RASAL2: variants seen among roughly 807,000 people sequenced by gnomAD.
RASAL2 encodes the protein ras GTPase-activating protein nGAP.
RASAL2 carries 58 observed loss-of-function variants against 128.9 expected under a neutral mutation model. The observed-to-expected ratio is 0.45, with a 90% CI of 0.36 to 0.56. The LOEUF (loss-of-function observed/expected upper bound fraction) is 0.56, where lower values mean the gene tolerates loss of function less well. Among genes scored for constraint, RASAL2 ranks in the 20% least tolerant of loss-of-function variants. RASAL2 has a pLI of 0.00. For synonymous variants in RASAL2, 561 were observed against 580.8 expected, an observed-to-expected ratio of 0.97 and a Z score of 0.49; for missense variants, 1,360 against 1,601.6, an observed-to-expected ratio of 0.85 and a Z score of 2.57.
intron 4 of RASAL2, among the ~76,000 whole-genome samples, chr1:178,405,107 A>C (rs953601110): frequency 3.3e-5 from 5 of 152,206 alleles, no homozygotes; most frequent in African/African-American, 1.2e-4. Context: ...ACATTGTTGA[A>C]GGGAAGGCAA....
chr1:178,312,068 A>G (rs1668281747), intron 3 of RASAL2, among the ~76,000 whole-genome samples: 1 of 152,142 alleles, frequency 6.6e-6, no homozygotes, highest in South Asian at 2.1e-4. Flanking sequence ...GAGAAAAAAA[A>G]GATAAAATAA....
intron 3 of RASAL2, among the ~76,000 whole-genome samples, chr1:178,314,677 A>G (rs1668416971): frequency 6.6e-6 from 1 of 152,170 alleles, no homozygotes; most frequent in Non-Finnish European, 1.5e-5. Flanking sequence ...CTGTGAAGTA[A>G]AGCAAGCTTC....
intron 1 of RASAL2, among the ~76,000 whole-genome samples, chr1:178,272,995 T>G (rs1215639157): frequency 6.6e-6 from 1 of 152,020 alleles, no homozygotes; most frequent in Non-Finnish European, 1.5e-5. Context: ...TTAAATTGAC[T>G]ATCCAGATTA....
chr1:178,114,803 T>A (rs915948064), intron 1 of RASAL2, among the ~76,000 whole-genome samples: 1 of 152,224 alleles, frequency 6.6e-6, no homozygotes, highest in Non-Finnish European at 1.5e-5. Context: ...ATTACAGGCG[T>A]GAGCCACTGC....
chr1:178,141,071 G>A (rs998964152), intron 1 of RASAL2, among the ~76,000 whole-genome samples: 3 of 152,090 alleles, frequency 2.0e-5, no homozygotes, highest in Admixed American at 6.5e-5. Context: ...TGAACTCAGA[G>A]CGAGAGCTCA....
chr1:178,375,808 C>G (rs1029095157), intron 3 of RASAL2, among the ~76,000 whole-genome samples: 1 of 151,984 alleles, frequency 6.6e-6, no homozygotes, highest in Non-Finnish European at 1.5e-5. Context: ...AGAAAGGGAG[C>G]CAATTTTTTA....
intron 1 of RASAL2, among the ~76,000 whole-genome samples, chr1:178,240,760 T>G (rs1018706): frequency 0.27 from 40,846 of 151,540 alleles, 6,382 homozygotes; most frequent in African/African-American, 0.44. Flanking sequence ...CAACTTTTTG[T>G]GGTATTTTTC....
At chr1:178,454,329 A>G in intron 11 of RASAL2, 118 bp from the exon 12 acceptor site, 1 of 743,428 alleles carries the variant, frequency 1.3e-6, no homozygotes, top group South Asian at 1.9e-5. Flanking sequence ...GATAATAAAC[A>G]AAATTAGTCA....
intron 3 of RASAL2, among the ~76,000 whole-genome samples, chr1:178,372,588 G>T (rs1479637957): frequency 6.6e-6 from 1 of 152,094 alleles, no homozygotes; most frequent in Non-Finnish European, 1.5e-5. Flanking sequence ...ATGTCATCTG[G>T]CCAGCTGTTC....
chr1:178,243,678 C>G (rs945737607), intron 1 of RASAL2, among the ~76,000 whole-genome samples: 1 of 151,844 alleles, frequency 6.6e-6, no homozygotes, highest in African/African-American at 2.4e-5. Flanking sequence ...GAGGTCAGGC[C>G]TGGGTTGCCT....
intron 1 of RASAL2, among the ~76,000 whole-genome samples, chr1:178,128,721 G>A (rs1413499616): frequency 6.6e-6 from 1 of 152,038 alleles, no homozygotes; most frequent in Non-Finnish European, 1.5e-5. Flanking sequence ...GGCAACCACT[G>A]ATCTGCTTTC....
chr1:178,197,728 C>T (rs1378959689), intron 1 of RASAL2, among the ~76,000 whole-genome samples: 1 of 151,550 alleles, frequency 6.6e-6, no homozygotes, highest in East Asian at 1.9e-4. Flanking sequence ...ACTTTAAGTT[C>T]TAGGGTACAT....
Position 178,420,491 on chromosome 1 carries a change from C to T in RASAL2, c.565-20C>T, listed in dbSNP as rs778300962. ...TCCCTTTTGGTTCTCTCTCCCATCACCTTCTGCCTTTCCTTCTAGGGATTC... is the reference window on the plus strand; with the variant it reads ...TCCCTTTTGGTTCTCTCTCCCATCATCTTCTGCCTTTCCTTCTAGGGATTC... On this transcript the variant is annotated intron_variant, in intron 4 of 17. Coordinates refer to ENST00000367649, the MANE Select transcript of RASAL2 (RefSeq NM_170692.4). 1.3e-6 allele frequency: 2 copies of T among 1,549,496 alleles called. No homozygotes were observed. The highest frequency in any genetic ancestry group is 3.4e-5 in the Admixed American group (2 of 58,222).
At chr1:178,144,437 T>A (rs1660648195) in intron 1 of RASAL2, among the ~76,000 whole-genome samples, 1 of 152,226 alleles carries the variant, frequency 6.6e-6, no homozygotes, top group African/African-American at 2.4e-5. Context: ...AAAAATATTT[T>A]AAAATTGTTT....
intron 1 of RASAL2, among the ~76,000 whole-genome samples, chr1:178,098,984 C>A (rs1658792230): frequency 6.6e-6 from 1 of 152,150 alleles, no homozygotes; most frequent in African/African-American, 2.4e-5. Flanking sequence ...TGAATATGAG[C>A]TGATGAGACA....
intron 10 of RASAL2, among the ~76,000 whole-genome samples, chr1:178,452,125 A>G (rs1251288897): frequency 1.3e-5 from 2 of 152,146 alleles, no homozygotes; most frequent in Admixed American, 6.6e-5. Context: ...GGTGAGTTAT[A>G]CTAAACCAGA....
chr1:178,124,987 G>T (rs1472273345), intron 1 of RASAL2, among the ~76,000 whole-genome samples: 2 of 152,128 alleles, frequency 1.3e-5, no homozygotes, highest in African/African-American at 4.8e-5. Context: ...ACTTGAGTTT[G>T]AAAATGTTAT....
chr1:178,447,283 C>G (rs557865788), intron 9 of RASAL2, among the ~76,000 whole-genome samples: 240 of 151,908 alleles, frequency 1.6e-3, no homozygotes, highest in Non-Finnish European at 2.7e-3. Context: ...GGTCACATCA[C>G]TGCACTCCAG....
chr1:178,126,916 A>T lies in RASAL2; in HGVS notation c.202+32222A>T, dbSNP rs564044092. On this transcript the variant is annotated intron_variant, in intron 1 of 17. Transcript: ENST00000367649. ...TGACTTCTCTGAGTAAAACTGACTC[A>T]GTCAGTGGTTTGAGGCTTGGCCTTC... is the stretch of plus-strand genomic sequence containing the variant. Among the ~76,000 whole-genome samples the T allele has an allele frequency of 2.0e-5, 3 of 152,338 alleles. No homozygotes were observed. In the South Asian group the frequency reaches 6.2e-4, roughly 32 times the overall value.
Sources: allele counts gnomAD v4.1 joint callset (sites outside exome capture counted in the v4.1 genomes callset), GRCh38; gene constraint gnomAD v4.1.1; transcripts MANE v1.5; gene names NCBI Gene and HGNC (gene_info 2026-07-23, HGNC 2026-07-21).